Variants in INSYN2B observed in about 807,000 individuals in gnomAD.
INSYN2B encodes the protein protein INSYN2B.
Under a neutral mutation model 41.2 loss-of-function variants are expected in INSYN2B, and 16 were observed. The ratio of observed to expected loss-of-function variants is 0.39; its 90% CI spans 0.26 to 0.59. INSYN2B has a LOEUF of 0.59. Among genes scored for constraint, INSYN2B ranks in the 20% least tolerant of loss-of-function variants. INSYN2B has a pLI of 0.57. For synonymous variants in INSYN2B, 245 were observed against 244.4 expected, an observed-to-expected ratio of 1.00 and a Z score of -0.02; for missense variants, 608 against 646.4, an observed-to-expected ratio of 0.94 and a Z score of 0.64.
At chr5:169,880,951 TGAGGAA>T (rs1272273553) in intron 3 of INSYN2B, among the ~76,000 whole-genome samples, 3 of 152,232 alleles carry the variant, frequency 2.0e-5, no homozygotes, top group Non-Finnish European at 4.4e-5. Flanking sequence ...TAGCTACTGT[TGAGGAA>T]GAGGCAGTGT....
At chr5:169,950,022 G>A (rs1776596045) in intron 1 of INSYN2B, among the ~76,000 whole-genome samples, 1 of 152,232 alleles carries the variant, frequency 6.6e-6, no homozygotes. Flanking sequence ...GCGTTTGAGG[G>A]GATCACAGAT....
At chr5:169,969,649 T>C (rs903873796) in intron 1 of INSYN2B, among the ~76,000 whole-genome samples, 2 of 152,064 alleles carry the variant, frequency 1.3e-5, no homozygotes, top group Non-Finnish European at 2.9e-5. Context: ...GTAGGAAAGG[T>C]CACACGTGCA....
At chr5:169,881,790 C>T (rs139437869) in intron 2 of INSYN2B, among the ~76,000 whole-genome samples, 46 of 152,284 alleles carry the variant, frequency 3.0e-4, no homozygotes, top group South Asian at 1.7e-3. Context: ...CTCTCCTATA[C>T]GGCAGTGCTG....
intron 1 of INSYN2B, among the ~76,000 whole-genome samples, chr5:169,965,594 C>G (rs559822451): frequency 1.3e-5 from 2 of 152,230 alleles, no homozygotes; most frequent in East Asian, 3.9e-4. Context: ...CGTTAAACAT[C>G]CCAATGTCGG....
At chr5:169,875,824 T>A (rs1772297494) in intron 3 of INSYN2B, 1 of 152,716 alleles carries the variant, frequency 6.5e-6, no homozygotes, top group Admixed American at 6.5e-5. Context: ...TCAGCTGTTA[T>A]CATTGTAAAA....
chr5:169,875,215 A>G (rs896536165), intron 3 of INSYN2B: 1 of 456,400 alleles, frequency 2.2e-6, no homozygotes, highest in Admixed American at 2.3e-5. Context: ...ATTTGAACCA[A>G]CCATTCCCAG....
intron 1 of INSYN2B, among the ~76,000 whole-genome samples, chr5:169,976,198 T>A (rs1400377985): frequency 6.6e-6 from 1 of 152,204 alleles, no homozygotes; most frequent in Admixed American, 6.5e-5. Flanking sequence ...GAACAATGAA[T>A]AAATGGACAC....
rs1447065402 is a variant in INSYN2B, at chr5:169,879,205, T to A, written c.1421+2163A>T. Among the ~76,000 whole-genome samples the A allele has an allele frequency of 2.6e-5, 4 of 152,198 alleles. No individual in the cohort carries two copies. The East Asian group carries it at 7.7e-4, about 29-fold the overall frequency. The stretch of plus-strand genomic sequence containing the variant: ...CAATCCATCATGCGCTGGATCATGC[T>A]GCTTTATGTACAGTGACATGCACTG... On this transcript the variant is annotated intron_variant, in intron 3 of 3. Transcript: ENST00000377365.
At chr5:169,929,553 A>T (rs1055193693) in intron 1 of INSYN2B, among the ~76,000 whole-genome samples, 39 of 152,076 alleles carry the variant, frequency 2.6e-4, no homozygotes, top group Non-Finnish European at 4.9e-4. Context: ...CCTGGGCAAC[A>T]TGATGAAACC....
chr5:169,942,309 G>A (rs766160714), intron 1 of INSYN2B, among the ~76,000 whole-genome samples: 8 of 152,150 alleles, frequency 5.3e-5, no homozygotes, highest in Admixed American at 2.0e-4. Flanking sequence ...ATCATGAAGT[G>A]GATCCATGCC....
chr5:169,967,464 G>A (rs1321856116), intron 1 of INSYN2B, among the ~76,000 whole-genome samples: 1 of 152,206 alleles, frequency 6.6e-6, no homozygotes, highest in African/African-American at 2.4e-5. Context: ...ATTAGTATAA[G>A]TTCTGTGTGG....
intron 1 of INSYN2B, among the ~76,000 whole-genome samples, chr5:169,906,050 G>C (rs1429231500): frequency 6.6e-6 from 1 of 152,078 alleles, no homozygotes; most frequent in Non-Finnish European, 1.5e-5. Flanking sequence ...AAGTAGATGG[G>C]GTACTAATTA....
intron 1 of INSYN2B, among the ~76,000 whole-genome samples, chr5:169,887,285 C>A (rs1474721048): frequency 6.6e-6 from 1 of 152,138 alleles, no homozygotes; most frequent in Non-Finnish European, 1.5e-5. Flanking sequence ...TTCTTTTGAT[C>A]TTTAAAAGCA....
At chr5:169,917,441 C>G (rs1428339742) in intron 1 of INSYN2B, among the ~76,000 whole-genome samples, 4 of 152,134 alleles carry the variant, frequency 2.6e-5, no homozygotes, top group Non-Finnish European at 5.9e-5. Flanking sequence ...AAAGTTTGAG[C>G]TCTAGTGCTT....
In INSYN2B at chr5:169,882,658, C is replaced by G. The variant is rs917958915; in HGVS notation, c.1241G>C (p.Gly414Ala). The G allele has an allele frequency of 7.7e-6, 12 of 1,551,918 alleles. No individual in the cohort carries two copies. Among genetic ancestry groups the G allele is most frequent in the Admixed American group, 3.9e-5 (2 of 50,988 alleles). Residue 414 changes from glycine to alanine, a missense_variant, in exon 2 of 4, where the codon GGC becomes GCC. Coordinates refer to ENST00000377365, the MANE Select transcript of INSYN2B (RefSeq NM_001129891.3). ...LARGELCDLQ[G>A]RLQSVEESLH... ...AGATTCCTCCACAGATTGCAGTCGG[C>G]CTTGGAGGTCGCAGAGTTCACCCCG...
chr5:169,918,498 A>G (rs1163235200), intron 1 of INSYN2B, among the ~76,000 whole-genome samples: 1 of 152,244 alleles, frequency 6.6e-6, no homozygotes, highest in Non-Finnish European at 1.5e-5. Context: ...ATCATCTCAC[A>G]GTTAAAAGAC....
chr5:169,950,996 A>G (rs534886114), intron 1 of INSYN2B, among the ~76,000 whole-genome samples: 1 of 152,320 alleles, frequency 6.6e-6, no homozygotes, highest in Admixed American at 6.5e-5. Flanking sequence ...GTAAACATTT[A>G]GATTTCCAGC....
intron 1 of INSYN2B, among the ~76,000 whole-genome samples, chr5:169,893,770 T>A (rs1773431785): frequency 6.6e-6 from 1 of 152,162 alleles, no homozygotes; most frequent in Admixed American, 6.5e-5. Flanking sequence ...GGGTACAGAG[T>A]TGGCACAGGC....
intron 1 of INSYN2B, among the ~76,000 whole-genome samples, chr5:169,907,019 G>T (rs911225739): frequency 1.3e-5 from 2 of 152,140 alleles, no homozygotes; most frequent in Non-Finnish European, 2.9e-5. Flanking sequence ...ACAGAGCAGG[G>T]TCCCTGCTCT....
Sources: allele counts gnomAD v4.1 joint callset (sites outside exome capture counted in the v4.1 genomes callset), GRCh38; gene constraint gnomAD v4.1.1; transcripts MANE v1.5; gene names NCBI Gene and HGNC (gene_info 2026-07-23, HGNC 2026-07-21).